HDAC4: variants seen among roughly 807,000 people sequenced by gnomAD.
The protein encoded by HDAC4 is histone deacetylase 4.
In HDAC4, 16 loss-of-function variants were observed where a neutral mutation model predicts 135.1. The ratio of observed to expected loss-of-function variants is 0.12; its 90% CI spans 0.08 to 0.18. HDAC4 has a LOEUF of 0.18. HDAC4 is among the 10% of genes least tolerant of loss of function. HDAC4 has a pLI of 1.00. For missense variants in HDAC4, 1,143 were observed against 1,511.8 expected (o/e 0.76, Z 4.05); for synonymous variants, 685 against 653.4 (o/e 1.05, Z -0.74).
chr2:239,055,373 C>T (rs1038692213), intron 24 of HDAC4: 1 of 183,858 alleles, frequency 5.4e-6, no homozygotes, highest in African/African-American at 2.4e-5. Context: ...AAGAAGTTTA[C>T]AAGTCAATGA....
At chr2:239,055,087 C>A (rs948648007) in intron 24 of HDAC4, 3 of 424,818 alleles carry the variant, frequency 7.1e-6, no homozygotes, top group South Asian at 2.2e-5. Flanking sequence ...GAAAGACAGT[C>A]CCCAGGAGTG....
chr2:239,076,541 C>A (rs2034783447), intron 22 of HDAC4, among the ~76,000 whole-genome samples: 1 of 151,868 alleles, frequency 6.6e-6, no homozygotes, highest in Non-Finnish European at 1.5e-5. Flanking sequence ...TCCGTCAACA[C>A]AAGCCTCAGA....
chr2:239,157,023 C>G (rs1193856299), intron 6 of HDAC4, among the ~76,000 whole-genome samples: 1 of 152,200 alleles, frequency 6.6e-6, no homozygotes, highest in Non-Finnish European at 1.5e-5. Context: ...TGGGCAGCAC[C>G]TCTGGCCGTT....
In HDAC4 at chr2:239,053,079, A is replaced by G. The variant is rs1346450328; in HGVS notation, c.*18T>C. The G allele has an allele frequency of 6.2e-7, 1 of 1,614,102 alleles. No homozygotes were observed. The highest frequency in any genetic ancestry group is 1.7e-5 in the Admixed American group (1 of 60,030). Reference sequence around the variant, plus strand: ...GACAGAGACAGACAGACAAGAGAACAGCAGCTTCGAGGGAGTGCTACAGGG... The same window carrying G: ...GACAGAGACAGACAGACAAGAGAACGGCAGCTTCGAGGGAGTGCTACAGGG... On this transcript the variant is annotated 3_prime_UTR_variant, in exon 27 of 27. Transcript: ENST00000543185.
Position 239,094,811 on chromosome 2 carries a change from C to T in HDAC4, c.2280+199G>A, listed in dbSNP as rs182109086. ...CCAGCCACCTGCGCCAGACAACCTT[C>T]CCCAGAGAAAGGTGCCCGAGTCGGC... On this transcript the variant is annotated intron_variant, in intron 17 of 26. Coordinates refer to ENST00000543185, the MANE Select transcript of HDAC4 (RefSeq NM_001378414.1). The T allele has an allele frequency of 1.6e-3, 2,326 of 1,453,574 alleles. 1 individual carries two copies. The highest frequency in any genetic ancestry group is 1.8e-3 in the Non-Finnish European group (1,980 of 1,091,916). The allele number at this position is 1,453,574 out of a possible 1,614,324, so 90.0% of individuals were successfully genotyped here.
intron 2 of HDAC4, among the ~76,000 whole-genome samples, chr2:239,283,369 G>A (rs1315336801): frequency 6.6e-6 from 1 of 152,236 alleles, no homozygotes. Context: ...TGAGGTACAG[G>A]AGCTGCGGGG....
At chr2:239,193,334 C>CTTTTTTTTTTT (rs537928517) in intron 3 of HDAC4, among the ~76,000 whole-genome samples, 63 of 152,380 alleles carry the variant, frequency 4.1e-4, no homozygotes, top group African/African-American at 1.5e-3. Flanking sequence ...CATAAAACAA[C>CTTTTTTTTTTT]TTTTAAGGGA....
At chr2:239,194,463 G>A (rs6739116) in intron 3 of HDAC4, among the ~76,000 whole-genome samples, 38,244 of 152,042 alleles carry the variant, frequency 0.25, 4,847 homozygotes, top group Middle Eastern at 0.27. Flanking sequence ...CTTGGGTGAC[G>A]CTCCTGCCCG....
At chr2:239,116,607 G>A (rs571838377) in intron 12 of HDAC4, among the ~76,000 whole-genome samples, 2 of 152,192 alleles carry the variant, frequency 1.3e-5, no homozygotes, top group African/African-American at 2.4e-5. Context: ...TCTTCTTCAT[G>A]TAGCAGTGAG....
At chr2:239,393,106 G>T (rs568179662) in intron 1 of HDAC4, among the ~76,000 whole-genome samples, 2 of 152,278 alleles carry the variant, frequency 1.3e-5, no homozygotes, top group East Asian at 3.9e-4. Context: ...AGAGCCACAG[G>T]ACTGGGACCC....
At chr2:239,243,177 T>G (rs760920200) in intron 2 of HDAC4, among the ~76,000 whole-genome samples, 1 of 151,108 alleles carries the variant, frequency 6.6e-6, no homozygotes, top group Non-Finnish European at 1.5e-5. Flanking sequence ...TTTTGAGACA[T>G]TGTCTCGCTC....
rs999725145 is a variant in HDAC4, at chr2:239,384,863, C to T, written c.-220+16115G>A. ...TAAAACTTCCAAATACATCAGCCCT[C>T]GGACCAAGCACCAGGAAGATGAGAC... On this transcript the variant is annotated intron_variant, in intron 1 of 26. Coordinates refer to ENST00000543185, the MANE Select transcript of HDAC4 (RefSeq NM_001378414.1). 1.5e-4 allele frequency among the ~76,000 whole-genome samples: 23 copies of T among 152,266 alleles called. 1 individual carries two copies. The highest frequency in any genetic ancestry group is 1.3e-3 in the Admixed American group (20 of 15,290).
chr2:239,243,401 C>G (rs2048302391), intron 2 of HDAC4, among the ~76,000 whole-genome samples: 1 of 152,192 alleles, frequency 6.6e-6, no homozygotes, highest in Admixed American at 6.5e-5. Context: ...ATCCGCCTGC[C>G]TCGGCCTCCC....
intron 1 of HDAC4, among the ~76,000 whole-genome samples, chr2:239,373,898 C>A (rs1472546635): frequency 1.3e-5 from 2 of 152,308 alleles, no homozygotes; most frequent in African/African-American, 4.8e-5. Context: ...TTGGAGATTT[C>A]TCTTGCTTTA....
intron 2 of HDAC4, among the ~76,000 whole-genome samples, chr2:239,242,080 A>G (rs1420202833): frequency 6.7e-6 from 1 of 149,788 alleles, no homozygotes; most frequent in Non-Finnish European, 1.5e-5. Context: ...AAGAAAGAGA[A>G]GGAAGGAAGG....
intron 9 of HDAC4, among the ~76,000 whole-genome samples, chr2:239,135,456 T>C (rs1292152304): frequency 1.3e-5 from 2 of 152,116 alleles, no homozygotes; most frequent in Non-Finnish European, 2.9e-5. Context: ...ATCATGGTCA[T>C]CAAAAAAGGT....
At chr2:239,149,847 C>T (rs1311415358) in intron 7 of HDAC4, among the ~76,000 whole-genome samples, 1 of 152,214 alleles carries the variant, frequency 6.6e-6, no homozygotes, top group African/African-American at 2.4e-5. Context: ...ACCATCCCGC[C>T]TGCTCGTGGA....
rs147181512 is a variant in HDAC4 at position 239,138,973 on chromosome 2, T to C, written c.978+711A>G. 1.0e-3 allele frequency among the ~76,000 whole-genome samples: 153 copies of C among 152,272 alleles called. 2 individuals are homozygous for C. The East Asian group carries it at 0.028, about 28-fold the overall frequency. On this transcript the variant is annotated intron_variant, in intron 9 of 26. Coordinates refer to ENST00000543185, the MANE Select transcript of HDAC4 (RefSeq NM_001378414.1). ...CTCAGCTCCTGCGTCTCTGACATCT[T>C]TCCCACCTAGGGACTCCAAGCGTCC...
chr2:239,335,453 T>C (rs1575709937), intron 2 of HDAC4, among the ~76,000 whole-genome samples: 1 of 108,816 alleles, frequency 9.2e-6, no homozygotes, highest in South Asian at 2.7e-4. Context: ...TATCTTCAAA[T>C]AGGCATAGAT....
Sources: allele counts gnomAD v4.1 joint callset (sites outside exome capture counted in the v4.1 genomes callset), GRCh38; gene constraint gnomAD v4.1.1; transcripts MANE v1.5; gene names NCBI Gene and HGNC (gene_info 2026-07-23, HGNC 2026-07-21).